NAA15: variants seen among roughly 807,000 people sequenced by gnomAD.
NAA15 encodes the protein N-alpha-acetyltransferase 15, NatA auxiliary subunit.
A neutral mutation model predicts 114.0 loss-of-function variants in NAA15; 34 were observed. The ratio of observed to expected loss-of-function variants is 0.30; its 90% CI spans 0.23 to 0.40. The LOEUF (loss-of-function observed/expected upper bound fraction) is 0.40. Ranked by LOEUF, NAA15 falls within the 10% of genes least tolerant of loss-of-function variation. NAA15 has a pLI of 1.00. For synonymous variants in NAA15, 340 were observed against 338.0 expected (o/e 1.01, Z -0.06); for missense variants, 658 against 1,004.5 (o/e 0.66, Z 4.66).
At chr4:139,341,593 CAA>C (rs751688160) in intron 4 of NAA15, among the ~76,000 whole-genome samples, 2 of 14,432 alleles carry the variant, frequency 1.4e-4, no homozygotes, top group African/African-American at 2.5e-4. Flanking sequence ...AACTCTGTCT[CAA>C]AAAAAAAAAA....
intron 1 of NAA15, among the ~76,000 whole-genome samples, chr4:139,317,858 G>A (rs1007450623): frequency 2.6e-5 from 4 of 152,152 alleles, no homozygotes; most frequent in Non-Finnish European, 5.9e-5. Context: ...TTTTATAGCT[G>A]TCTGTCAATC....
intron 1 of NAA15, among the ~76,000 whole-genome samples, chr4:139,315,880 A>T (rs11933315): frequency 0.54 from 80,934 of 149,806 alleles, 24,397 homozygotes; most frequent in African/African-American, 0.82. Context: ...TCTCTTTTTT[A>T]AAAAAAAAAA....
intron 1 of NAA15, among the ~76,000 whole-genome samples, chr4:139,315,033 T>TC (rs1746354377): frequency 1.4e-4 from 18 of 129,794 alleles, no homozygotes; most frequent in African/African-American, 7.1e-4. Flanking sequence ...TAGGTTAGGT[T>TC]AGGTTAGGTT....
intron 10 of NAA15, 122 bp downstream of exon 10, chr4:139,354,220 C>CT (rs1747869754): frequency 1.5e-6 from 1 of 685,946 alleles, no homozygotes; most frequent in African/African-American, 1.8e-5. Context: ...ATTTTTTTCT[C>CT]TTTGAGAGGG....
intron 17 of NAA15, among the ~76,000 whole-genome samples, chr4:139,384,586 A>G (rs1437767185): frequency 6.6e-6 from 1 of 152,060 alleles, no homozygotes; most frequent in African/African-American, 2.4e-5. Flanking sequence ...TGGCCTCATC[A>G]TTAGGTAATT....
intron 1 of NAA15, among the ~76,000 whole-genome samples, chr4:139,331,019 A>T (rs1226995330): frequency 7.1e-6 from 1 of 139,940 alleles, no homozygotes; most frequent in Admixed American, 6.9e-5. Flanking sequence ...CTCAAAAATT[A>T]TGAGCAAAAT....
At chr4:139,341,967 C>T (rs1350431563) in intron 4 of NAA15, among the ~76,000 whole-genome samples, 5 of 152,066 alleles carry the variant, frequency 3.3e-5, no homozygotes, top group Admixed American at 3.3e-4. Context: ...GGCAGTCCAC[C>T]CCACCTTATT....
At chr4:139,385,878 G>C (rs1748897445) in intron 18 of NAA15, among the ~76,000 whole-genome samples, 1 of 152,240 alleles carries the variant, frequency 6.6e-6, no homozygotes, top group African/African-American at 2.4e-5. Context: ...CTGTGCATGT[G>C]TTGCATATAC....
At chr4:139,341,131 C>T (rs986905551) in intron 4 of NAA15, 62 bp downstream of exon 4, 1 of 1,120,518 alleles carries the variant, frequency 8.9e-7, no homozygotes, top group African/African-American at 1.6e-5. Flanking sequence ...ACTTTGAGTA[C>T]TTTCAGATAC....
At chr4:139,380,409 T>G (rs919273021) in intron 17 of NAA15, among the ~76,000 whole-genome samples, 1 of 152,216 alleles carries the variant, frequency 6.6e-6, no homozygotes, top group Non-Finnish European at 1.5e-5. Context: ...TGTTATATAC[T>G]TTATACATAT....
At chr4:139,326,817 T>C (rs1258195385) in intron 1 of NAA15, among the ~76,000 whole-genome samples, 4 of 152,250 alleles carry the variant, frequency 2.6e-5, no homozygotes, top group Non-Finnish European at 5.9e-5. Context: ...AAAATAAATT[T>C]TTACTTAGTC....
At position 139,388,611 on chromosome 4, in the gene NAA15, AAC is replaced by A. The variant is rs1748970919; in HGVS notation, c.*529_*530del. 6.5e-6 allele frequency: 1 copy of A among 153,756 alleles called. No homozygotes were observed. The highest frequency in any genetic ancestry group is 6.5e-5 in the Admixed American group (1 of 15,404). The allele number at this position is 153,756 out of a possible 1,614,324, so 9.5% of individuals were successfully genotyped here. A position where few individuals can be genotyped will look rare whatever the true frequency, so the allele number is the denominator to read the frequency against. ...AATCACTATTTACAGAGAAACCTACAACAGATGCTTGATGTTGTAGAAACTGG... is the reference window on the plus strand; with the variant it reads ...AATCACTATTTACAGAGAAACCTACAAGATGCTTGATGTTGTAGAAACTGG... On this transcript the variant is annotated 3_prime_UTR_variant, in exon 20 of 20. Coordinates refer to ENST00000296543, the MANE Select transcript of NAA15 (RefSeq NM_057175.5).
At chr4:139,386,411 G>T in intron 19 of NAA15, 181 bp downstream of exon 19, 1 of 424,262 alleles carries the variant, frequency 2.4e-6, no homozygotes, top group South Asian at 5.0e-5. Context: ...TCTGTAGCTT[G>T]GAATAACTTT....
At chr4:139,357,296 TCC>T in intron 10 of NAA15, 88 bp from the exon 11 acceptor site, 1 of 1,053,670 alleles carries the variant, frequency 9.5e-7, no homozygotes, top group East Asian at 2.4e-5. Context: ...TCATAGTACC[TCC>T]CTTGTTAATA....
At chr4:139,315,061 T>G (rs369642812) in intron 1 of NAA15, among the ~76,000 whole-genome samples, 7,090 of 59,394 alleles carry the variant, frequency 0.12, 474 homozygotes, top group Non-Finnish European at 0.16. Flanking sequence ...GTTAGTTTAG[T>G]TTAGTTTAGT....
intron 1 of NAA15, among the ~76,000 whole-genome samples, chr4:139,327,545 C>T (rs1175513389): frequency 7.9e-5 from 12 of 152,168 alleles, no homozygotes; most frequent in East Asian, 5.8e-4. Flanking sequence ...TGAGCCACTG[C>T]GCCCAGCCTG....
intron 17 of NAA15, among the ~76,000 whole-genome samples, chr4:139,383,622 C>T (rs1748811433): frequency 6.6e-6 from 1 of 152,176 alleles, no homozygotes; most frequent in Non-Finnish European, 1.5e-5. Flanking sequence ...AGGCACACAC[C>T]ACCATGCCAG....
At chr4:139,308,607 T>A (rs943911787) in intron 1 of NAA15, among the ~76,000 whole-genome samples, 3 of 152,230 alleles carry the variant, frequency 2.0e-5, no homozygotes, top group South Asian at 2.1e-4. Context: ...TAAGTTTATT[T>A]ATTTTTTTGA....
At chr4:139,327,007 T>C (rs1484072279) in intron 1 of NAA15, among the ~76,000 whole-genome samples, 1 of 151,854 alleles carries the variant, frequency 6.6e-6, no homozygotes, top group African/African-American at 2.4e-5. Flanking sequence ...GTGACCATAG[T>C]TCACTGCAGC....
Sources: gnomAD v4.1 joint callset for allele counts (sites outside exome capture counted in the v4.1 genomes callset) on GRCh38, gnomAD v4.1.1 for gene constraint, MANE v1.5 for transcripts, NCBI Gene and HGNC (gene_info 2026-07-23, HGNC 2026-07-21) for gene names.